TRAPPC13: variants seen among roughly 807,000 people sequenced by gnomAD.
The protein encoded by TRAPPC13 is REV7-interacting novel NHEJ regulator 1.
TRAPPC13 carries 39 observed loss-of-function variants against 54.0 expected under a neutral mutation model. That is an observed-to-expected ratio of 0.72 (90% CI 0.56 to 0.94). The LOEUF is 0.94. Among genes scored for constraint, TRAPPC13 ranks in the 40% least tolerant of loss-of-function variants. The probability of loss-of-function intolerance (pLI) is 0.00; values close to 1 mark genes in which losing one functional copy is unlikely to be tolerated. For synonymous variants in TRAPPC13, 148 were observed against 167.7 expected (o/e 0.88, Z 0.91); for missense variants, 386 against 488.1 (o/e 0.79, Z 1.97).
chr5:65,651,758 C>G (rs1015218765), intron 6 of TRAPPC13, among the ~76,000 whole-genome samples: 3 of 136,146 alleles, frequency 2.2e-5, no homozygotes, highest in African/African-American at 8.2e-5. Flanking sequence ...AGAAAAAATA[C>G]TATTCATAGG....
chr5:65,642,271 C>A (rs1048179210), intron 4 of TRAPPC13, among the ~76,000 whole-genome samples: 1 of 151,712 alleles, frequency 6.6e-6, no homozygotes, highest in Non-Finnish European at 1.5e-5. Flanking sequence ...TGCGGTGAGC[C>A]GAGATTGTGC....
At chr5:65,653,224 C>T (rs114431411) in intron 7 of TRAPPC13, among the ~76,000 whole-genome samples, 2,084 of 150,598 alleles carry the variant, frequency 0.014, 55 homozygotes, top group African/African-American at 0.048. Flanking sequence ...TCTAGAGCTG[C>T]AGAAAAATCA....
At chr5:65,640,229 T>C (rs143505122) in intron 4 of TRAPPC13, among the ~76,000 whole-genome samples, 45 of 152,326 alleles carry the variant, frequency 3.0e-4, no homozygotes, top group African/African-American at 1.0e-3. Flanking sequence ...TTGTGACTTG[T>C]GAAAATTACA....
chr5:65,637,577 G>A (rs1755797146), intron 3 of TRAPPC13, 119 bp from the exon 4 acceptor site: 1 of 523,198 alleles, frequency 1.9e-6, no homozygotes, highest in South Asian at 2.0e-5. Flanking sequence ...TTTGCAGTGA[G>A]CCTAGATCGT....
chr5:65,634,633 G>C (rs1755679420), intron 1 of TRAPPC13, among the ~76,000 whole-genome samples: 2 of 152,016 alleles, frequency 1.3e-5, no homozygotes, highest in Non-Finnish European at 2.9e-5. Flanking sequence ...GCTCATGCCT[G>C]TAATCCCAGC....
chr5:65,660,601 C>T (rs37349), intron 9 of TRAPPC13, 98 bp from the exon 10 acceptor site: 235,381 of 857,266 alleles, frequency 0.27, 34,163 homozygotes, highest in Non-Finnish European at 0.3. Flanking sequence ...TTGGAGGGTA[C>T]ATCATCCAGT....
At chr5:65,640,784 C>A (rs1011350835) in intron 4 of TRAPPC13, among the ~76,000 whole-genome samples, 17 of 152,166 alleles carry the variant, frequency 1.1e-4, no homozygotes, top group Non-Finnish European at 2.5e-4. Flanking sequence ...TCAAAGAATA[C>A]AGTAGTATGC....
Position 65,665,438 on chromosome 5 carries a change from A to G in TRAPPC13, c.*827A>G, listed in dbSNP as rs537194196. The G allele has an allele frequency of 3.3e-5, 5 of 152,252 alleles. No individual in the cohort carries two copies. In the South Asian group the frequency reaches 1.0e-3, roughly 32 times the overall value. 9.4% of individuals were successfully genotyped at this position (152,252 alleles called of 1,614,324 possible). On this transcript the variant is annotated 3_prime_UTR_variant, in exon 13 of 13. Coordinates refer to ENST00000399438, the MANE Select transcript of TRAPPC13 (RefSeq NM_024941.4). The stretch of plus-strand genomic sequence containing the variant: ...TCTAGTTGTTTTCAAAATTACTGTA[A>G]TGGTTTGTGTCTGTATTTGTATATT...
rs78231699 is a variant in TRAPPC13 at position 65,653,713 on chromosome 5, G to C, written c.546+1168G>C. Among the ~76,000 whole-genome samples, 1,034 of 152,212 alleles carry C rather than the reference G, an allele frequency of 6.8e-3. 8 individuals are homozygous for C. Among genetic ancestry groups the C allele is most frequent in the East Asian group, 0.054 (280 of 5,186 alleles). ...AAAGCAGTGAAGGCATTCAAGCAGG[G>C]TTACAAATGGACATGAAGTATCAAG... On this transcript the variant is annotated intron_variant, in intron 7 of 12. Coordinates refer to ENST00000399438, the MANE Select transcript of TRAPPC13 (RefSeq NM_024941.4).
intron 1 of TRAPPC13, chr5:65,629,900 TCA>T: frequency 1.4e-5 from 22 of 1,536,074 alleles, no homozygotes; most frequent in Non-Finnish European, 1.7e-5. Flanking sequence ...TTTAACCTGG[TCA>T]CACACACTGA....
chr5:65,637,725 G>GT lies in TRAPPC13; in HGVS notation c.247dup (p.Tyr83LeufsTer6). The GT allele has an allele frequency of 6.4e-7, 1 of 1,573,754 alleles. No individual in the cohort carries two copies. Among genetic ancestry groups the GT allele is most frequent in the East Asian group, 2.3e-5 (1 of 44,144 alleles). ...ATATTTTTGGGAGAGACCTTTTCCA[G>GT]TTATATCAGCGTTCATAATGATAGC... On this transcript the variant is annotated frameshift_variant, in exon 4 of 13. Transcript: ENST00000399438. LOFTEE classifies it high-confidence loss of function.
chr5:65,631,829 A>G (rs758920810), intron 1 of TRAPPC13, among the ~76,000 whole-genome samples: 6 of 152,050 alleles, frequency 3.9e-5, no homozygotes, highest in Admixed American at 2.0e-4. Flanking sequence ...ACTAAGCTTT[A>G]TAGGACTTTT....
At chr5:65,637,603 C>T (rs1354750369) in intron 3 of TRAPPC13, 93 bp from the exon 4 acceptor site, 1 of 652,118 alleles carries the variant, frequency 1.5e-6, no homozygotes. Context: ...TGCACTCCAG[C>T]CTGGGTGACA....
Position 65,638,849 on chromosome 5 carries a change from C to G in TRAPPC13, c.300+1069C>G, listed in dbSNP as rs187185404. Among the ~76,000 whole-genome samples the G allele has an allele frequency of 1.2e-4, 18 of 152,116 alleles. No homozygotes were observed. The South Asian group carries it at 3.7e-3, about 32-fold the overall frequency. ...CTGTAATCCTAGCACTTTGGGAGGC[C>G]AAGGCGGGTGGATCACTTGAGTTCA... On this transcript the variant is annotated intron_variant, in intron 4 of 12. Transcript: ENST00000399438.
chr5:65,632,213 A>C (rs1275343682), intron 1 of TRAPPC13, among the ~76,000 whole-genome samples: 1 of 152,214 alleles, frequency 6.6e-6, no homozygotes, highest in African/African-American at 2.4e-5. Context: ...GCAGTCAGCC[A>C]TGATCGTGCC....
chr5:65,651,684 CTA>C (rs1756448984), intron 6 of TRAPPC13, among the ~76,000 whole-genome samples: 1 of 149,254 alleles, frequency 6.7e-6, no homozygotes, highest in African/African-American at 2.5e-5. Flanking sequence ...CCACGTATGT[CTA>C]TTATAAATAT....
At chr5:65,639,084 TC>T (rs1224505191) in intron 4 of TRAPPC13, among the ~76,000 whole-genome samples, 1 of 151,760 alleles carries the variant, frequency 6.6e-6, no homozygotes, top group Non-Finnish European at 1.5e-5. Context: ...TAATACTCCA[TC>T]CCCCAAAAAA....
chr5:65,646,845 A>T (rs1756227578), intron 4 of TRAPPC13, among the ~76,000 whole-genome samples: 1 of 151,146 alleles, frequency 6.6e-6, no homozygotes, highest in African/African-American at 2.4e-5. Flanking sequence ...GATCTTATTT[A>T]TTTATTTTTT....
At position 65,636,018 on chromosome 5, in the gene TRAPPC13, A is replaced by G. The variant is rs1755732442; in HGVS notation, c.190A>G (p.Met64Val). 6.3e-7 allele frequency: 1 copy of G among 1,598,162 alleles called. No individual in the cohort carries two copies. The highest frequency in any genetic ancestry group is 8.5e-7 in the Non-Finnish European group (1 of 1,171,452). Residue 64 changes from methionine (M) to valine (V), a missense_variant, in exon 3 of 13, where the codon ATG becomes GTG. Met to Val is a conservative substitution (Grantham distance 21). Coordinates refer to ENST00000399438, the MANE Select transcript of TRAPPC13 (RefSeq NM_024941.4). ...TGCAGAAGTTTTAATGTTGGGAGAA[A>G]TGCTGACTTTACCACAGAATTTTGG... ...NGAEVLMLGE[M>V]LTLPQNFGNI...
Sources: gnomAD v4.1 joint callset for allele counts (sites outside exome capture counted in the v4.1 genomes callset) on GRCh38, gnomAD v4.1.1 for gene constraint, MANE v1.5 for transcripts, NCBI Gene and HGNC (gene_info 2026-07-23, HGNC 2026-07-21) for gene names.